The following DDX53 variants were observed in gnomAD, a reference collection of about 807,000 sequenced individuals.
The protein encoded by DDX53 is DEAD-box helicase 53, also known as DEAD box protein 53.
For missense variants in DDX53, 481 were observed against 485.1 expected, an observed-to-expected ratio of 0.99 and a Z score of 0.08; for synonymous variants, 179 against 170.8, an observed-to-expected ratio of 1.05 and a Z score of -0.37.
rs1172736528 is a variant in DDX53 at position 23,001,089 on chromosome X, A to C, written c.1032A>C (p.Lys344Asn). 3 of 1,208,058 alleles carry C rather than the reference A, an allele frequency of 2.5e-6. No individual in the cohort carries two copies. In the African/African-American group the frequency reaches 5.2e-5, roughly 21 times the overall value. Residue 344 changes from lysine (K) to asparagine (N), a missense_variant, in exon 1 of 1, where the codon AAA (lysine) becomes AAC (asparagine). Transcript: ENST00000327968. Reference protein sequence around the residue: ...NRNGQIEDISKGVDIIIATPG... With the variant: ...NRNGQIEDISNGVDIIIATPG... ...ATGGACAAATAGAAGACATTAGCAA[A>C]GGTGTAGATATCATTATTGCAACTC...
rs1933839397 is a variant in DDX53 at position 23,002,933 on chromosome X, A to G, written c.*980A>G. ...CACCCTCCCCCATCAGCTAGACCCCAGTGTCTGCTGTTTCCTTCTTTGCGT... is the reference window on the plus strand; with the variant it reads ...CACCCTCCCCCATCAGCTAGACCCCGGTGTCTGCTGTTTCCTTCTTTGCGT... On this transcript the variant is annotated 3_prime_UTR_variant, in exon 1 of 1. Transcript: ENST00000327968. 8.1e-6 allele frequency: 1 copy of G among 122,995 alleles called. No homozygotes were observed. The highest frequency in any genetic ancestry group is 3.3e-5 in the African/African-American group (1 of 30,658). The allele number at this position is 122,995 out of a possible 1,213,427, so 10.1% of individuals were successfully genotyped here. A position where few individuals can be genotyped will look rare whatever the true frequency, so the allele number is the denominator to read the frequency against.
rs1008075479 is a variant in DDX53 at position 23,002,523 on chromosome X, G to C, written c.*570G>C. On this transcript the variant is annotated 3_prime_UTR_variant, in exon 1 of 1. Transcript: ENST00000327968. ...CAAAAATGAGAGAGTGAGAGACTAT[G>C]TGAAGAGAAAGTAAATGTTACGTGT... is the stretch of plus-strand genomic sequence containing the variant. The C allele has an allele frequency of 5.9e-5, 7 of 117,908 alleles. No individual in the cohort carries two copies. The highest frequency in any genetic ancestry group is 2.5e-4 in the African/African-American group (7 of 28,548). 9.7% of individuals were successfully genotyped at this position (117,908 alleles called of 1,213,427 possible). A position where few individuals can be genotyped will look rare whatever the true frequency, so the allele number is the denominator to read the frequency against.
chrX:23,001,040 G>A lies in DDX53; in HGVS notation c.983G>A (p.Cys328Tyr). The A allele has an allele frequency of 8.3e-7, 1 of 1,205,168 alleles. No individual in the cohort carries two copies. The highest frequency in any genetic ancestry group is 1.1e-6 in the Non-Finnish European group (1 of 892,984). The stretch of plus-strand genomic sequence containing the variant: ...TCATATAAAGGTCTCAAAAGCATTT[G>A]CATATATGGTGGTAGAAACAGAAAT... ...KYSYKGLKSICIYGGRNRNGQ... is the reference protein window; with the variant it reads ...KYSYKGLKSIYIYGGRNRNGQ... Residue 328 changes from cysteine to tyrosine, a missense_variant, in exon 1 of 1, where the codon TGC (cysteine) becomes TAC (tyrosine). Cys to Tyr is a radical substitution (Grantham distance 194). Coordinates refer to ENST00000327968, the MANE Select transcript of DDX53 (RefSeq NM_182699.4).
In DDX53 at chrX:23,001,588, G is replaced by A. The variant is rs1933813669; in HGVS notation, c.1531G>A (p.Glu511Lys). 8.3e-7 allele frequency: 1 copy of A among 1,210,908 alleles called. No individual in the cohort carries two copies. The highest frequency in any genetic ancestry group is 1.1e-6 in the Non-Finnish European group (1 of 895,108). ...ACAGAGTGATCAAGAGCGAGCAGTA[G>A]AGGACTTTAAAAGCGGAAACATAAA... ...SEQSDQERAV[E>K]DFKSGNIKIL... The change falls in exon 1 of 1, where the codon GAG becomes AAG. Residue 511 changes from glutamate to lysine, a missense_variant. Physicochemically the swap from Glu to Lys is moderately conservative, Grantham distance 56 (BLOSUM62 1). Transcript: ENST00000327968.
Position 23,000,228 on chromosome X carries a change from C to G in DDX53, c.171C>G (p.Asn57Lys), listed in dbSNP as rs1032937732. Residue 57 changes from asparagine (N) to lysine (K), a missense_variant, in exon 1 of 1, where the codon AAC becomes AAG. Physicochemically the swap from Asn to Lys is moderately conservative, Grantham distance 94. Coordinates refer to ENST00000327968, the MANE Select transcript of DDX53 (RefSeq NM_182699.4). ...CACCACTCTGCTTTAAAATAAAGAA[C>G]AATATGGTTGGTGTGGTCATTGGTT... ...REPPLCFKIK[N>K]NMVGVVIGYS... is the part of the protein sequence containing the mutation. The G allele has an allele frequency of 7.6e-6, 9 of 1,188,740 alleles. No homozygotes were observed. The highest frequency in any genetic ancestry group is 5.7e-6 in the Non-Finnish European group (5 of 884,861).
Position 23,003,244 on chromosome X carries a change from A to G in DDX53, c.*1291A>G, listed in dbSNP as rs1354420350. On this transcript the variant is annotated 3_prime_UTR_variant, in exon 1 of 1. Coordinates refer to ENST00000327968, the MANE Select transcript of DDX53 (RefSeq NM_182699.4). ...TTCTCTACTTGTTTTAGTTCATTAG[A>G]AAATAAGTGCTAAATTTTTTAGAAG... The G allele has an allele frequency of 1.6e-5, 2 of 123,913 alleles. No homozygotes were observed. Among genetic ancestry groups the G allele is most frequent in the African/African-American group, 3.2e-5 (1 of 30,961 alleles). 10.2% of individuals were successfully genotyped at this position (123,913 alleles called of 1,213,427 possible).
Position 23,000,247 on chromosome X carries a change from A to G in DDX53, c.190A>G (p.Ile64Val), listed in dbSNP as rs369490495. The G allele has an allele frequency of 8.4e-7, 1 of 1,188,503 alleles. No individual in the cohort carries two copies. The highest frequency in any genetic ancestry group is 1.8e-5 in the African/African-American group (1 of 56,466). The change falls in exon 1 of 1, where the codon ATT becomes GTT. Residue 64 changes from isoleucine to valine, a missense_variant. By Grantham distance (29) the Ile-to-Val change is conservative. Coordinates refer to ENST00000327968, the MANE Select transcript of DDX53 (RefSeq NM_182699.4). ...AAAGAACAATATGGTTGGTGTGGTCATTGGTTACAGTGGATCAAAAATAAA... is the reference window on the plus strand; with the variant it reads ...AAAGAACAATATGGTTGGTGTGGTCGTTGGTTACAGTGGATCAAAAATAAA... ...KIKNNMVGVV[I>V]GYSGSKIKDL...
Position 23,002,139 on chromosome X carries a change from A to G in DDX53, c.*186A>G. 5.5e-6 allele frequency: 2 copies of G among 361,446 alleles called. No individual in the cohort carries two copies. The allele number at this position is 361,446 out of a possible 1,213,427, so 29.8% of individuals were successfully genotyped here. On this transcript the variant is annotated 3_prime_UTR_variant, in exon 1 of 1. Coordinates refer to ENST00000327968, the MANE Select transcript of DDX53 (RefSeq NM_182699.4). ...AAAAAGTCTCAAAAATGAGAGAGTG[A>G]GAGACTGTGTGAAGAGAAAGTGAAT...
At position 23,002,042 on chromosome X, in the gene DDX53, C is replaced by A; in HGVS notation, c.*89C>A. On this transcript the variant is annotated 3_prime_UTR_variant, in exon 1 of 1. Transcript: ENST00000327968. Reference sequence around the variant, plus strand: ...TAAGGAAGTATTGGAAACATACTAGCCATTTGAAGACATAACTAATTCTTA... The same window carrying A: ...TAAGGAAGTATTGGAAACATACTAGACATTTGAAGACATAACTAATTCTTA... The A allele has an allele frequency of 1.4e-6, 1 of 727,280 alleles. No individual in the cohort carries two copies. Among genetic ancestry groups the A allele is most frequent in the East Asian group, 3.6e-5 (1 of 27,883 alleles). 59.9% of individuals were successfully genotyped at this position (727,280 alleles called of 1,213,427 possible). A position where few individuals can be genotyped will look rare whatever the true frequency, so the allele number is the denominator to read the frequency against.
In DDX53 at chrX:23,000,087, G is replaced by A. The variant is rs1463649210; in HGVS notation, c.30G>A (p.Arg10=). 1 of 1,148,048 alleles carries A rather than the reference G, an allele frequency of 8.7e-7. No individual in the cohort carries two copies. The allele number at this position is 1,148,048 out of a possible 1,213,427, so 94.6% of individuals were successfully genotyped here. Residue 10 remains arginine, a synonymous_variant, in exon 1 of 1, where the codon AGG becomes AGA. Coordinates refer to ENST00000327968, the MANE Select transcript of DDX53 (RefSeq NM_182699.4). MSHWAPEWK[R]AEANPRDLGA... Reference sequence around the variant, plus strand: ...CCCACTGGGCCCCAGAGTGGAAGAGGGCGGAGGCTAATCCAAGAGACCTTG... The same window carrying A: ...CCCACTGGGCCCCAGAGTGGAAGAGAGCGGAGGCTAATCCAAGAGACCTTG...
chrX:23,001,792 G>A lies in DDX53; in HGVS notation c.1735G>A (p.Ala579Thr), dbSNP rs1435180314. ...CATCACTCAGAGAGATTCGAAAATG[G>A]CCGGTGAATTGATTAAAATTCTGGA... ...TLITQRDSKMAGELIKILDRA... is the reference protein window; with the variant it reads ...TLITQRDSKMTGELIKILDRA... The change falls in exon 1 of 1, where the codon GCC (alanine) becomes ACC (threonine). Residue 579 changes from alanine to threonine, a missense_variant. By Grantham distance (58) the Ala-to-Thr change is moderately conservative. Transcript: ENST00000327968. The A allele has an allele frequency of 2.5e-6, 3 of 1,211,658 alleles. No homozygotes were observed. The South Asian group carries it at 5.3e-5, about 21-fold the overall frequency.
rs2147256580 is a variant in DDX53, at chrX:23,001,787, A to C, written c.1730A>C (p.Lys577Thr). ...SVTLITQRDS[K>T]MAGELIKILD... ...ACCCTCATCACTCAGAGAGATTCGA[A>C]AATGGCCGGTGAATTGATTAAAATT... Residue 577 changes from lysine (K) to threonine (T), a missense_variant, in exon 1 of 1, where the codon AAA becomes ACA. Physicochemically the swap from Lys to Thr is moderately conservative, Grantham distance 78. Coordinates refer to ENST00000327968, the MANE Select transcript of DDX53 (RefSeq NM_182699.4). 2.5e-6 allele frequency: 3 copies of C among 1,211,716 alleles called. No homozygotes were observed. In the East Asian group the frequency reaches 8.9e-5, roughly 36 times the overall value.
At position 23,002,521 on chromosome X, in the gene DDX53, A is replaced by C. The variant is rs5970973; in HGVS notation, c.*568A>C. 2 of 106,640 alleles carry C rather than the reference A, an allele frequency of 1.9e-5. No individual in the cohort carries two copies. The highest frequency in any genetic ancestry group is 7.6e-5 in the African/African-American group (2 of 26,170). The allele number at this position is 106,640 out of a possible 1,213,427, so 8.8% of individuals were successfully genotyped here. ...CTCAAAAATGAGAGAGTGAGAGACTATGTGAAGAGAAAGTAAATGTTACGT... is the reference window on the plus strand; with the variant it reads ...CTCAAAAATGAGAGAGTGAGAGACTCTGTGAAGAGAAAGTAAATGTTACGT... On this transcript the variant is annotated 3_prime_UTR_variant, in exon 1 of 1. Coordinates refer to ENST00000327968, the MANE Select transcript of DDX53 (RefSeq NM_182699.4).
chrX:23,001,665 C>G lies in DDX53; in HGVS notation c.1608C>G (p.Val536=). The G allele has an allele frequency of 8.3e-7, 1 of 1,210,830 alleles. No individual in the cohort carries two copies. The highest frequency in any genetic ancestry group is 3.0e-5 in the East Asian group (1 of 33,823). Residue 536 remains valine (V), a synonymous_variant, in exon 1 of 1, where the codon GTC becomes GTG. Transcript: ENST00000327968. ...IVSRGLDLND[V]THVYNYDFPR... ...CCCGAGGTCTTGATCTTAATGATGT[C>G]ACACATGTATATAATTATGATTTCC...
At position 23,000,979 on chromosome X, in the gene DDX53, T is replaced by G; in HGVS notation, c.922T>G (p.Leu308Val). The G allele has an allele frequency of 3.3e-6, 4 of 1,208,311 alleles. No homozygotes were observed. Among genetic ancestry groups the G allele is most frequent in the Non-Finnish European group, 4.5e-6 (4 of 894,000 alleles). Residue 308 changes from leucine (L) to valine (V), a missense_variant, in exon 1 of 1, where the codon TTG (leucine) becomes GTG (valine). Leu to Val is a conservative substitution (Grantham distance 32). Transcript: ENST00000327968. ...GCTAGTCCTTACACCCACTAGAGAG[T>G]TGGCTCTTCACGTGGAAGCTGAATG... Reference protein sequence around the residue: ...GMLVLTPTRELALHVEAECSK... With the variant: ...GMLVLTPTREVALHVEAECSK...
Position 23,000,882 on chromosome X carries a change from C to T in DDX53, c.825C>T (p.Ser275=). 8.3e-7 allele frequency: 1 copy of T among 1,210,330 alleles called. No individual in the cohort carries two copies. ...AAACCGGAACAGGGAAAACATTGTC[C>T]TATCTAATGCCTGGGTTTATTCATC... ...VAQTGTGKTL[S]YLMPGFIHLD... is the part of the protein sequence containing the mutation. The change falls in exon 1 of 1, where the codon TCC becomes TCT. Residue 275 remains serine (S), a synonymous_variant. Transcript: ENST00000327968.
rs1036606790 is a variant in DDX53 at position 23,001,458 on chromosome X, C to T, written c.1401C>T (p.Asn467=). 16 of 1,209,206 alleles carry T rather than the reference C, an allele frequency of 1.3e-5. No individual in the cohort carries two copies. Among genetic ancestry groups the T allele is most frequent in the South Asian group, 7.1e-5 (4 of 56,602 alleles). ...AATTCGTAGAGAACATGTCACCCAA[C>T]GACAAAGTCATCATGTTTGTCAGCC... ...TQEFVENMSP[N]DKVIMFVSQK... is the part of the protein sequence containing the mutation. The change falls in exon 1 of 1, where the codon AAC becomes AAT. Residue 467 remains asparagine (N), a synonymous_variant. Transcript: ENST00000327968.
In DDX53 at chrX:23,001,146, C is replaced by G. The variant is rs766141368; in HGVS notation, c.1089C>G (p.Asn363Lys). 51 of 1,209,812 alleles carry G rather than the reference C, an allele frequency of 4.2e-5. No individual in the cohort carries two copies. Among genetic ancestry groups the G allele is most frequent in the Admixed American group, 2.2e-5 (1 of 45,772 alleles). The change falls in exon 1 of 1, where the codon AAC becomes AAG. Residue 363 changes from asparagine (N) to lysine (K), a missense_variant. Physicochemically the swap from Asn to Lys is moderately conservative, Grantham distance 94 (BLOSUM62 0). Coordinates refer to ENST00000327968, the MANE Select transcript of DDX53 (RefSeq NM_182699.4). ...GGCTGAATGACCTACAAATGAATAA[C>G]TCTGTCAACCTAAGAAGCATAACCT... ...PGRLNDLQMN[N>K]SVNLRSITYL...
In DDX53 at chrX:23,000,484, A is replaced by C; in HGVS notation, c.427A>C (p.Ile143Leu). The change falls in exon 1 of 1, where the codon ATT becomes CTT. Residue 143 changes from isoleucine to leucine, a missense_variant. Physicochemically the swap from Ile to Leu is conservative, Grantham distance 5. Coordinates refer to ENST00000327968, the MANE Select transcript of DDX53 (RefSeq NM_182699.4). ...PIGRNLGRNDIVGEAEPLSNW... is the reference protein window; with the variant it reads ...PIGRNLGRNDLVGEAEPLSNW... ...TGGAAGAAATCTAGGCAGAAATGAC[A>C]TTGTTGGAGAAGCTGAGCCATTGTC... The C allele has an allele frequency of 8.3e-7, 1 of 1,211,956 alleles. No homozygotes were observed. Among genetic ancestry groups the C allele is most frequent in the Non-Finnish European group, 1.1e-6 (1 of 895,535 alleles).
Sources: allele counts gnomAD v4.1 joint callset, GRCh38; gene constraint gnomAD v4.1.1; transcripts MANE v1.5; gene names NCBI Gene and HGNC (gene_info 2026-07-23, HGNC 2026-07-21).